Variants in RGS6 observed in about 807,000 individuals in gnomAD.
RGS6 encodes the protein regulator of G-protein signaling 6.
RGS6 carries 30 observed loss-of-function variants against 78.5 expected under a neutral mutation model. The ratio of observed to expected loss-of-function variants is 0.38; its 90% CI spans 0.29 to 0.52. The LOEUF (loss-of-function observed/expected upper bound fraction) is 0.52, where lower values mean the gene tolerates loss of function less well. RGS6 is among the 20% of genes least tolerant of loss of function. The pLI, the probability that RGS6 is intolerant of heterozygous loss-of-function variation, is 0.85. For missense variants in RGS6, 495 were observed against 609.7 expected (o/e 0.81, Z 1.98); for synonymous variants, 206 against 206.0 (o/e 1.00, Z 0.00).
At chr14:72,169,947 T>C (rs2096987967) in intron 2 of RGS6, among the ~76,000 whole-genome samples, 2 of 152,168 alleles carry the variant, frequency 1.3e-5, no homozygotes, top group Non-Finnish European at 2.9e-5. Context: ...TTGAGAAATA[T>C]TGCCCTTTGA....
At chr14:71,918,684 C>T in the RGS6 span, among the ~76,000 whole-genome samples, 9 of 152,154 alleles carry the variant, frequency 5.9e-5, no homozygotes, top group African/African-American at 2.2e-4. Flanking sequence ...TGTATATTTT[C>T]TTAAATCTTG....
the RGS6 span, among the ~76,000 whole-genome samples, chr14:72,580,287 C>G: frequency 1.3e-5 from 2 of 148,596 alleles, no homozygotes. Flanking sequence ...TTCCCTAGAC[C>G]CTGTATCTCA....
the RGS6 span, among the ~76,000 whole-genome samples, chr14:71,874,266 A>T: frequency 6.6e-6 from 1 of 151,904 alleles, no homozygotes; most frequent in Non-Finnish European, 1.5e-5. Flanking sequence ...GATTCTTCCT[A>T]TCCATGAGCA....
intron 3 of RGS6, among the ~76,000 whole-genome samples, chr14:72,366,239 C>T (rs2082426866): frequency 6.6e-6 from 1 of 152,126 alleles, no homozygotes; most frequent in South Asian, 2.1e-4. Context: ...GGTGAATTCA[C>T]AGGTATTGCT....
At chr14:72,193,245 T>C (rs2097351209) in intron 2 of RGS6, among the ~76,000 whole-genome samples, 1 of 152,150 alleles carries the variant, frequency 6.6e-6, no homozygotes, top group Admixed American at 6.5e-5. Flanking sequence ...CCACCTGCCT[T>C]GGCCTCCCAA....
chr14:72,558,087 C>T (rs951857035), intron 17 of RGS6, among the ~76,000 whole-genome samples: 6 of 151,978 alleles, frequency 3.9e-5, no homozygotes, highest in South Asian at 2.1e-4. Flanking sequence ...ACCCGTGTAA[C>T]GTATACCCCA....
At chr14:71,883,525 C>T in the RGS6 span, among the ~76,000 whole-genome samples, 9 of 152,166 alleles carry the variant, frequency 5.9e-5, no homozygotes, top group Admixed American at 2.6e-4. Context: ...TAAACCAGAG[C>T]GACTCCATCT....
At chr14:71,968,445 A>G (rs954023639) in intron 2 of RGS6, among the ~76,000 whole-genome samples, 2 of 152,232 alleles carry the variant, frequency 1.3e-5, no homozygotes, top group African/African-American at 4.8e-5. Context: ...TTTTGATTTC[A>G]TAATTATTTG....
chr14:72,107,178 C>T (rs1320425803), intron 2 of RGS6, among the ~76,000 whole-genome samples: 1 of 151,780 alleles, frequency 6.6e-6, no homozygotes, highest in Non-Finnish European at 1.5e-5. Context: ...TTTTATTTAC[C>T]TAATTTTCAA....
intron 2 of RGS6, among the ~76,000 whole-genome samples, chr14:72,339,381 A>G (rs57360450): frequency 0.13 from 19,987 of 152,208 alleles, 1,333 homozygotes; most frequent in East Asian, 0.18. Flanking sequence ...ACTGTGAGTA[A>G]TAAATTTCTA....
At chr14:72,591,649 G>T in the RGS6 span, among the ~76,000 whole-genome samples, 232 of 152,286 alleles carry the variant, frequency 1.5e-3, no homozygotes, top group African/African-American at 5.3e-3. Flanking sequence ...GCATTTACCT[G>T]GTGCCTACTG....
chr14:71,890,346 G>A, the RGS6 span, among the ~76,000 whole-genome samples: 10 of 130,252 alleles, frequency 7.7e-5, no homozygotes, highest in Non-Finnish European at 1.6e-4. Context: ...GTGTGTGTGC[G>A]TGTGCATAAG....
chr14:72,174,217 C>T (rs557985398), intron 2 of RGS6, among the ~76,000 whole-genome samples: 1 of 152,374 alleles, frequency 6.6e-6, no homozygotes, highest in Admixed American at 6.5e-5. Flanking sequence ...AAGCAATTCT[C>T]CTGCCTCAGC....
chr14:71,879,649 C>T, the RGS6 span, among the ~76,000 whole-genome samples: 8 of 152,170 alleles, frequency 5.3e-5, no homozygotes, highest in African/African-American at 1.9e-4. Context: ...TTCTCATTCT[C>T]TCTTGTCTGC....
chr14:72,349,796 C>T (rs141988924), intron 2 of RGS6, among the ~76,000 whole-genome samples: 8 of 152,182 alleles, frequency 5.3e-5, no homozygotes, highest in Non-Finnish European at 1.2e-4. Context: ...CAGCCCGCAG[C>T]AGCAGAGGTG....
At chr14:72,233,607 A>G (rs560235812) in intron 2 of RGS6, among the ~76,000 whole-genome samples, 34 of 152,322 alleles carry the variant, frequency 2.2e-4, no homozygotes, top group Admixed American at 1.8e-3. Flanking sequence ...TAGTAGTCCA[A>G]TGCTTAGGAC....
the RGS6 span, among the ~76,000 whole-genome samples, chr14:72,626,077 T>TA: frequency 6.6e-6 from 1 of 152,230 alleles, no homozygotes; most frequent in Admixed American, 6.5e-5. Flanking sequence ...TCGGTATAGT[T>TA]ACATTATCTA....
intron 2 of RGS6, among the ~76,000 whole-genome samples, chr14:72,324,300 C>A (rs1351162398): frequency 6.6e-6 from 1 of 151,854 alleles, no homozygotes; most frequent in African/African-American, 2.4e-5. Flanking sequence ...AATTAACAAG[C>A]ACAAACACCA....
At chr14:72,051,520 T>G (rs2093241191) in intron 2 of RGS6, among the ~76,000 whole-genome samples, 1 of 152,112 alleles carries the variant, frequency 6.6e-6, no homozygotes, top group Non-Finnish European at 1.5e-5. Flanking sequence ...TGGTATAATT[T>G]AAGGTATGAA....
Sources: gnomAD v4.1 joint callset for allele counts (sites outside exome capture counted in the v4.1 genomes callset) on GRCh38, gnomAD v4.1.1 for gene constraint, MANE v1.5 for transcripts, NCBI Gene and HGNC (gene_info 2026-07-23, HGNC 2026-07-21) for gene names.